Variants in RAI14 observed in about 807,000 individuals in gnomAD.
RAI14 encodes retinoic acid induced 14, also known as ankycorbin.
In RAI14, 45 loss-of-function variants were observed where a neutral mutation model predicts 115.4. The ratio of observed to expected loss-of-function variants is 0.39; its 90% confidence interval spans 0.31 to 0.50. RAI14 has a LOEUF of 0.50. Ranked by LOEUF, RAI14 falls within the 20% of genes least tolerant of loss-of-function variation. The pLI is 0.85. For synonymous variants in RAI14, 371 were observed against 415.4 expected, an observed-to-expected ratio of 0.89 and a Z score of 1.30; for missense variants, 939 against 1,131.2, an observed-to-expected ratio of 0.83 and a Z score of 2.44.
At chr5:34,673,354 A>G (rs1333840811) in intron 1 of RAI14, among the ~76,000 whole-genome samples, 1 of 152,220 alleles carries the variant, frequency 6.6e-6, no homozygotes, top group Admixed American at 6.5e-5. Flanking sequence ...GTGAATAGCC[A>G]AACAAGTGAA....
In RAI14 at chr5:34,739,225, C is replaced by T. The variant is rs1296389488; in HGVS notation, c.37-18243C>T. 1.3e-5 allele frequency among the ~76,000 whole-genome samples: 2 copies of T among 152,150 alleles called. 1 individual carries two copies. Among genetic ancestry groups the T allele is most frequent in the Non-Finnish European group, 2.9e-5 (2 of 68,036 alleles). On this transcript the variant is annotated intron_variant, in intron 2 of 17. Transcript: ENST00000265109. The stretch of plus-strand genomic sequence containing the variant: ...TTATAAATATTTGATTCATTTAATT[C>T]TCACAACAACCCTCTGATAGAGGCT...
Position 34,731,533 on chromosome 5 carries a change from A to G in RAI14, c.37-25935A>G, listed in dbSNP as rs532299474. 1.4e-3 allele frequency among the ~76,000 whole-genome samples: 218 copies of G among 152,230 alleles called. 1 individual carries two copies. Among genetic ancestry groups the G allele is most frequent in the Middle Eastern group, 6.8e-3 (2 of 294 alleles). On this transcript the variant is annotated intron_variant, in intron 2 of 17. Transcript: ENST00000265109. ...GACTTTTGACCTGTGGAAGTTTTGC[A>G]TTTTCCAGCCTGGATATGTGGAGGC...
intron 1 of RAI14, among the ~76,000 whole-genome samples, chr5:34,680,098 T>C (rs1321776071): frequency 6.6e-6 from 1 of 152,184 alleles, no homozygotes; most frequent in East Asian, 1.9e-4. Context: ...AATTTTCAAA[T>C]CGGCTTAAAA....
chr5:34,676,877 G>T (rs1387486966), intron 1 of RAI14, among the ~76,000 whole-genome samples: 1 of 152,142 alleles, frequency 6.6e-6, no homozygotes, highest in East Asian at 1.9e-4. Flanking sequence ...AAAAATCTGA[G>T]ATTTTAAAGT....
At chr5:34,822,745 G>A (rs901579808) in intron 14 of RAI14, among the ~76,000 whole-genome samples, 1 of 127,784 alleles carries the variant, frequency 7.8e-6, no homozygotes, top group East Asian at 2.5e-4. Context: ...GTGCAGTGGC[G>A]CGATCTCGGC....
chr5:34,721,431 C>T (rs1742743747), intron 2 of RAI14, among the ~76,000 whole-genome samples: 1 of 150,556 alleles, frequency 6.6e-6, no homozygotes, highest in African/African-American at 2.4e-5. Flanking sequence ...AAAAATAATA[C>T]AAGGATCTCA....
At chr5:34,674,317 C>G (rs999298903) in intron 1 of RAI14, among the ~76,000 whole-genome samples, 1 of 152,150 alleles carries the variant, frequency 6.6e-6, no homozygotes, top group African/African-American at 2.4e-5. Flanking sequence ...AAGAGATTCA[C>G]AAGCCAAGTG....
chr5:34,753,225 A>T (rs1444060345), intron 2 of RAI14, among the ~76,000 whole-genome samples: 3 of 152,154 alleles, frequency 2.0e-5, no homozygotes, highest in Admixed American at 1.3e-4. Context: ...GGTGGTCTCC[A>T]AAAGCCTTCT....
chr5:34,802,464 TGTGGTGGGGTGTCTGGTA>T (rs769876433), intron 4 of RAI14, among the ~76,000 whole-genome samples: 4 of 152,112 alleles, frequency 2.6e-5, no homozygotes, highest in Non-Finnish European at 5.9e-5. Flanking sequence ...GTTTACTAGG[TGTGGTGGGGTGTCTGGTA>T]GTGGTCAGGT....
rs115218903 is a variant in RAI14, at chr5:34,748,133, G to A, written c.37-9335G>A. 6.8e-3 allele frequency among the ~76,000 whole-genome samples: 1,041 copies of A among 152,258 alleles called. 4 individuals carry two copies. Among genetic ancestry groups the A allele is most frequent in the Non-Finnish European group, 0.011 (743 of 68,024 alleles). On this transcript the variant is annotated intron_variant, in intron 2 of 17. Transcript: ENST00000265109. ...GGAGGTGTTTATGTATTATGTACACGCCACAGCACTCGGCAGTTATGTAGA... is the reference window on the plus strand; with the variant it reads ...GGAGGTGTTTATGTATTATGTACACACCACAGCACTCGGCAGTTATGTAGA...
At position 34,725,962 on chromosome 5, in the gene RAI14, C is replaced by CAAAAAAAAAAA. The variant is rs199657623; in HGVS notation, c.37-31500_37-31490dup. 1.6e-4 allele frequency among the ~76,000 whole-genome samples: 18 copies of CAAAAAAAAAAA among 113,742 alleles called. 6 individuals are homozygous for CAAAAAAAAAAA. Among genetic ancestry groups the CAAAAAAAAAAA allele is most frequent in the African/African-American group, 6.0e-5 (2 of 33,070 alleles). The allele number at this position is 113,742 out of a possible 152,430, so 74.6% of individuals were successfully genotyped here. On this transcript the variant is annotated intron_variant, in intron 2 of 17. Transcript: ENST00000265109. Reference sequence around the variant, plus strand: ...GGGCAACAGGAGCGAAACTGCTTCTCAAAAAAAAAAAAAAAAGCCACAAAT... The same window carrying CAAAAAAAAAAA: ...GGGCAACAGGAGCGAAACTGCTTCTCAAAAAAAAAAAAAAAAAAAAAAAAAAAGCCACAAAT...
chr5:34,721,101 C>T (rs1042895982), intron 2 of RAI14, among the ~76,000 whole-genome samples: 2 of 151,682 alleles, frequency 1.3e-5, no homozygotes, highest in South Asian at 4.2e-4. Flanking sequence ...TATATTTCCC[C>T]TTCTTCCTTC....
intron 1 of RAI14, chr5:34,685,915 T>C (rs748648462): frequency 4.6e-5 from 7 of 152,216 alleles, no homozygotes; most frequent in Non-Finnish European, 7.4e-5. Flanking sequence ...CAACTCAGAA[T>C]TGCTGAGTCC....
At chr5:34,793,362 G>C (rs1002016609) in intron 3 of RAI14, among the ~76,000 whole-genome samples, 1 of 152,146 alleles carries the variant, frequency 6.6e-6, no homozygotes, top group Non-Finnish European at 1.5e-5. Context: ...TGCAGTTCCA[G>C]CCACCCATAA....
chr5:34,662,123 GT>G (rs1247989245), intron 1 of RAI14, among the ~76,000 whole-genome samples: 1 of 152,174 alleles, frequency 6.6e-6, no homozygotes, highest in Non-Finnish European at 1.5e-5. Flanking sequence ...AGTGTATTTT[GT>G]TGGATTGTTG....
intron 15 of RAI14, among the ~76,000 whole-genome samples, chr5:34,825,294 A>G (rs942615960): frequency 7.2e-5 from 11 of 152,180 alleles, no homozygotes; most frequent in African/African-American, 2.7e-4. Context: ...TCAATAAGCA[A>G]ACATCAATCT....
At chr5:34,702,487 G>C (rs1303327749) in intron 2 of RAI14, among the ~76,000 whole-genome samples, 1 of 152,044 alleles carries the variant, frequency 6.6e-6, no homozygotes, top group Non-Finnish European at 1.5e-5. Context: ...TCAGGCGGGG[G>C]GCAAGTGAGC....
At chr5:34,698,838 A>G (rs1739672418) in intron 2 of RAI14, among the ~76,000 whole-genome samples, 1 of 152,160 alleles carries the variant, frequency 6.6e-6, no homozygotes, top group Non-Finnish European at 1.5e-5. Flanking sequence ...CGTAACCAGA[A>G]AAGGGGGCCA....
Position 34,823,327 on chromosome 5 carries a change from T to A in RAI14, c.1485T>A (p.Ala495=), listed in dbSNP as rs1346512972. 9 of 1,614,006 alleles carry A rather than the reference T, an allele frequency of 5.6e-6. No homozygotes were observed. The highest frequency in any genetic ancestry group is 1.3e-5 in the African/African-American group (1 of 75,054). Residue 495 remains alanine (A), a synonymous_variant, in exon 15 of 18, where the codon GCT becomes GCA. Coordinates refer to ENST00000265109, the MANE Select transcript of RAI14 (RefSeq NM_015577.3). This position sits in a 1 kb window ranked among gnomAD's most constrained non-coding sequence, Gnocchi z 4.5. ...LKETQSKYEE[A]MKEVLSVQKQ... ...AAACTCAGAGCAAATACGAGGAGGC[T>A]ATGAAAGAAGTCCTTAGTGTGCAGA...
Sources: gnomAD v4.1 joint callset for allele counts (sites outside exome capture counted in the v4.1 genomes callset) on GRCh38, gnomAD v4.1.1 for gene constraint, Gnocchi (gnomAD v3.1) non-coding constraint, MANE v1.5 for transcripts, NCBI Gene and HGNC (gene_info 2026-07-23, HGNC 2026-07-21) for gene names.